The following GLRX3 variants were observed in gnomAD, a reference collection of about 807,000 sequenced individuals.
The protein encoded by GLRX3 is glutaredoxin 3, also known as glutaredoxin-3.
GLRX3 carries 22 observed loss-of-function variants against 49.5 expected under a neutral mutation model. The observed-to-expected ratio is 0.44, with a 90% CI of 0.32 to 0.63. GLRX3 has a LOEUF of 0.63. Ranked by LOEUF, GLRX3 falls within the 30% of genes least tolerant of loss-of-function variation. GLRX3 has a pLI of 0.05. For missense variants in GLRX3, 385 were observed against 396.3 expected (o/e 0.97, Z 0.24); for synonymous variants, 133 against 140.0 (o/e 0.95, Z 0.35).
chr10:130,165,682 T>G (rs556799231), intron 4 of GLRX3, among the ~76,000 whole-genome samples: 1 of 152,346 alleles, frequency 6.6e-6, no homozygotes, highest in East Asian at 1.9e-4. Context: ...TGATTTCTAA[T>G]TTATCCTACT....
Position 130,175,026 on chromosome 10 carries a change from T to G in GLRX3, c.894T>G (p.Asn298Lys), listed in dbSNP as rs749367199. The G allele has an allele frequency of 1.1e-5, 18 of 1,610,144 alleles. No homozygotes were observed. Among genetic ancestry groups the G allele is most frequent in the Non-Finnish European group, 1.5e-5 (18 of 1,176,478 alleles). ...EVRQGLKAYSNWPTYPQLYVK... is the reference protein window; with the variant it reads ...EVRQGLKAYSKWPTYPQLYVK... ...GGCAAGGATTAAAAGCTTACTCAAA[T>G]TGGCCAACATACCCTCAGCTGTATG... Residue 298 changes from asparagine to lysine, a missense_variant, in exon 10 of 11, where the codon AAT becomes AAG. Physicochemically the swap from Asn to Lys is moderately conservative, Grantham distance 94 (BLOSUM62 0). Coordinates refer to ENST00000331244, the MANE Select transcript of GLRX3 (RefSeq NM_006541.5).
chr10:130,140,482 T>C (rs941457383), intron 1 of GLRX3, among the ~76,000 whole-genome samples: 1 of 152,234 alleles, frequency 6.6e-6, no homozygotes, highest in Admixed American at 6.5e-5. Context: ...AATAGGAGAA[T>C]ATTGTGGATA....
At chr10:130,140,675 T>C (rs1329160454) in intron 1 of GLRX3, among the ~76,000 whole-genome samples, 1 of 152,206 alleles carries the variant, frequency 6.6e-6, no homozygotes, top group Non-Finnish European at 1.5e-5. Flanking sequence ...TACTTTCTTC[T>C]TTTCTTTTTT....
At position 130,160,957 on chromosome 10, in the gene GLRX3, C is replaced by T; in HGVS notation, c.438C>T (p.Cys146=). The T allele has an allele frequency of 6.2e-7, 1 of 1,613,708 alleles. No homozygotes were observed. The highest frequency in any genetic ancestry group is 8.5e-7 in the Non-Finnish European group (1 of 1,179,850). Residue 146 remains cysteine, a synonymous_variant, in exon 4 of 11, where the codon TGC becomes TGT. Coordinates refer to ENST00000331244, the MANE Select transcript of GLRX3 (RefSeq NM_006541.5). The part of the protein sequence containing the change: ...RLKKLTHAAP[C]MLFMKGTPQE... ...AGAAATTGACTCATGCTGCCCCCTGCATGCTGTTTATGAAAGGAACTCCTC... is the reference window on the plus strand; with the variant it reads ...AGAAATTGACTCATGCTGCCCCCTGTATGCTGTTTATGAAAGGAACTCCTC...
intron 1 of GLRX3, among the ~76,000 whole-genome samples, chr10:130,141,051 T>C (rs1466565380): frequency 1.3e-5 from 2 of 152,226 alleles, no homozygotes; most frequent in African/African-American, 2.4e-5. Flanking sequence ...ACAGTCCTTT[T>C]GTTGGCTGGG....
chr10:130,149,117 G>A (rs184498245), intron 2 of GLRX3, among the ~76,000 whole-genome samples: 6 of 152,174 alleles, frequency 3.9e-5, no homozygotes, highest in Admixed American at 1.3e-4. Flanking sequence ...TATAATGGGT[G>A]GTGTTCCATT....
At chr10:130,148,066 TTAA>T (rs1862301225) in intron 2 of GLRX3, among the ~76,000 whole-genome samples, 1 of 152,170 alleles carries the variant, frequency 6.6e-6, no homozygotes, top group Non-Finnish European at 1.5e-5. Flanking sequence ...TTTCTTTTTG[TTAA>T]TGAGAGTTTT....
chr10:130,178,967 G>C (rs921785384), intron 10 of GLRX3, among the ~76,000 whole-genome samples: 1 of 152,200 alleles, frequency 6.6e-6, no homozygotes, highest in African/African-American at 2.4e-5. Flanking sequence ...GCCTCCCAAC[G>C]TGCTGGGATT....
chr10:130,142,924 T>A (rs563311092), intron 1 of GLRX3, among the ~76,000 whole-genome samples: 16 of 152,354 alleles, frequency 1.1e-4, no homozygotes, highest in Non-Finnish European at 1.8e-4. Flanking sequence ...ACCTCGGGTC[T>A]CCTCTGTGTC....
At chr10:130,166,365 C>T (rs983205810) in intron 4 of GLRX3, 142 bp from the exon 5 acceptor site, 1 of 564,422 alleles carries the variant, frequency 1.8e-6, no homozygotes, top group South Asian at 2.6e-5. Flanking sequence ...GTATATTATT[C>T]AGCCATGCTA....
intron 1 of GLRX3, among the ~76,000 whole-genome samples, chr10:130,141,685 A>G (rs570399328): frequency 1.3e-5 from 2 of 152,270 alleles, no homozygotes; most frequent in East Asian, 3.9e-4. Context: ...TGTTGTATGA[A>G]TGTCTATCAC....
Position 130,160,893 on chromosome 10 carries a change from C to G in GLRX3, c.374C>G (p.Ala125Gly), listed in dbSNP as rs754723979. 5 of 1,612,416 alleles carry G rather than the reference C, an allele frequency of 3.1e-6. No individual in the cohort carries two copies. Among genetic ancestry groups the G allele is most frequent in the Non-Finnish European group, 4.2e-6 (5 of 1,178,434 alleles). ...HASSGSFLPSANEHLKEDLNL... is the reference protein window; with the variant it reads ...HASSGSFLPSGNEHLKEDLNL... ...TCTAGTGGCTCCTTCCTACCCAGCG[C>G]TAATGAACATCTTAAAGAAGATCTC... The change falls in exon 4 of 11, where the codon GCT becomes GGT. Residue 125 changes from alanine to glycine, a missense_variant. This residue lies in a region of GLRX3 where 374 missense variants were observed against 358.6 expected (regional missense o/e 1.04). Coordinates refer to ENST00000331244, the MANE Select transcript of GLRX3 (RefSeq NM_006541.5).
chr10:130,148,171 CTT>C (rs1862303010), intron 2 of GLRX3, among the ~76,000 whole-genome samples: 1 of 152,114 alleles, frequency 6.6e-6, no homozygotes, highest in Non-Finnish European at 1.5e-5. Flanking sequence ...AGGTCTCACT[CTT>C]ATTGCCCAGG....
chr10:130,173,034 C>T (rs1161340234), intron 8 of GLRX3, among the ~76,000 whole-genome samples: 5 of 152,202 alleles, frequency 3.3e-5, no homozygotes, highest in Admixed American at 3.3e-4. Flanking sequence ...CAAGCCTGTT[C>T]CTTTCTTCAC....
chr10:130,140,164 C>G (rs929990766), intron 1 of GLRX3, among the ~76,000 whole-genome samples: 1 of 152,244 alleles, frequency 6.6e-6, no homozygotes, highest in Middle Eastern at 3.4e-3. Context: ...GTTTAATAAG[C>G]AGTAGCTGGT....
At chr10:130,165,400 A>C (rs1180164477) in intron 4 of GLRX3, among the ~76,000 whole-genome samples, 1 of 149,918 alleles carries the variant, frequency 6.7e-6, no homozygotes, top group Non-Finnish European at 1.5e-5. Context: ...ATGTCATAAT[A>C]AGATGATGTC....
chr10:130,163,764 T>A (rs958701835), intron 4 of GLRX3, among the ~76,000 whole-genome samples: 2 of 152,228 alleles, frequency 1.3e-5, no homozygotes, highest in Non-Finnish European at 2.9e-5. Context: ...CTGAGCCTGG[T>A]TAGTGGAGCA....
intron 2 of GLRX3, among the ~76,000 whole-genome samples, chr10:130,147,416 C>G (rs890636326): frequency 1.3e-5 from 2 of 152,302 alleles, no homozygotes; most frequent in African/African-American, 2.4e-5. Context: ...TGGTACCAGA[C>G]TTGGCAGTGA....
intron 4 of GLRX3, among the ~76,000 whole-genome samples, chr10:130,161,209 G>A (rs946067848): frequency 2.6e-5 from 4 of 152,106 alleles, no homozygotes; most frequent in African/African-American, 9.7e-5. Flanking sequence ...GAACCAAAAG[G>A]GGTCTCAGAA....
Sources: allele counts gnomAD v4.1 joint callset (sites outside exome capture counted in the v4.1 genomes callset), GRCh38; gene constraint gnomAD v4.1.1; regional missense constraint gnomAD v4.1.1; transcripts MANE v1.5; gene names NCBI Gene and HGNC (gene_info 2026-07-23, HGNC 2026-07-21).